NLRP2: variants seen among roughly 807,000 people sequenced by gnomAD.
The protein encoded by NLRP2 is NLR family pyrin domain containing 2.
Under a neutral mutation model 97.2 loss-of-function variants are expected in NLRP2, and 107 were observed. The observed-to-expected ratio is 1.10, with a 90% CI of 0.94 to 1.29. NLRP2 has a LOEUF of 1.29. Ranked by LOEUF, NLRP2 falls within the 50% of genes most tolerant of loss-of-function variation. The pLI is 0.00. For missense variants in NLRP2, 1,495 were observed against 1,330.3 expected, an observed-to-expected ratio of 1.12 and a Z score of -1.93; for synonymous variants, 663 against 551.5, an observed-to-expected ratio of 1.20 and a Z score of -2.83.
chr19:54,975,684 C>G (rs2071185298), intron 3 of NLRP2, among the ~76,000 whole-genome samples: 1 of 151,896 alleles, frequency 6.6e-6, no homozygotes, highest in South Asian at 2.1e-4. Flanking sequence ...GATCTCCTGA[C>G]CTTGTGATCC....
At chr19:54,975,106 GTTTTTTTTTTTTTTTTTTTTTTTTTT>G (rs558518586) in intron 3 of NLRP2, among the ~76,000 whole-genome samples, 4 of 58,674 alleles carry the variant, frequency 6.8e-5, no homozygotes, top group Non-Finnish European at 1.0e-4. Context: ...ACCCGGTTTT[GTTTTTTTTTTTTTTTTTTTTTTTTTT>G]TTTTTTTTTT....
At chr19:54,980,999 T>C (rs1195764494) in intron 4 of NLRP2, among the ~76,000 whole-genome samples, 1 of 152,108 alleles carries the variant, frequency 6.6e-6, no homozygotes, top group African/African-American at 2.4e-5. Flanking sequence ...TAATTCCAGT[T>C]ACTTGGGAAG....
rs1354708300 is a variant in NLRP2, at chr19:54,983,343, G to A, written c.1645G>A (p.Asp549Asn). The A allele has an allele frequency of 6.2e-6, 10 of 1,614,074 alleles. No homozygotes were observed. Among genetic ancestry groups the A allele is most frequent in the African/African-American group, 2.7e-5 (2 of 74,932 alleles). Residue 549 changes from aspartate to asparagine, a missense_variant, in exon 6 of 13, where the codon GAC becomes AAC. By Grantham distance (23) the Asp-to-Asn change is conservative. Coordinates refer to ENST00000448584, the MANE Select transcript of NLRP2 (RefSeq NM_017852.5). The stretch of plus-strand genomic sequence containing the variant: ...CGGAGTAGAAAGACTCAGGAACCCC[G>A]ACCTGATCCAAGCAGGCTACTACTC... ...LSGVERLRNPDLIQAGYYSFG... is the reference protein window; with the variant it reads ...LSGVERLRNPNLIQAGYYSFG...
At chr19:54,971,484 T>C (rs2070850348) in intron 2 of NLRP2, among the ~76,000 whole-genome samples, 1 of 152,020 alleles carries the variant, frequency 6.6e-6, no homozygotes, top group South Asian at 2.1e-4. Flanking sequence ...CCAGCACCTG[T>C]TGTTTCCTGA....
At chr19:54,994,482 C>CT (rs1317869265) in intron 11 of NLRP2, 43 bp downstream of exon 11, 5 of 1,597,722 alleles carry the variant, frequency 3.1e-6, no homozygotes, top group Non-Finnish European at 3.4e-6. Flanking sequence ...TTACACCTTA[C>CT]TGAATCTGTG....
chr19:54,967,697 T>C (rs2070553140), intron 1 of NLRP2, among the ~76,000 whole-genome samples: 1 of 151,728 alleles, frequency 6.6e-6, no homozygotes, highest in Admixed American at 6.6e-5. Context: ...GTGTGTGGAG[T>C]CCTGGGCAGT....
chr19:54,977,187 C>T (rs1568480852), intron 3 of NLRP2, among the ~76,000 whole-genome samples: 1 of 152,012 alleles, frequency 6.6e-6, no homozygotes. Flanking sequence ...GGGGGTTAGG[C>T]CTGGCAGGCA....
rs551890882 is a variant in NLRP2, at chr19:54,983,528, C to T, written c.1830C>T (p.Tyr610=). The part of the protein sequence containing the change: ...TDLQELLGCL[Y]ESQEEELVKE... ...TGCAGGAGCTCCTCGGCTGTCTGTA[C>T]GAGTCTCAGGAGGAGGAGCTGGTGA... The change falls in exon 6 of 13, where the codon TAC becomes TAT. Residue 610 remains tyrosine (Y), a synonymous_variant. Coordinates refer to ENST00000448584, the MANE Select transcript of NLRP2 (RefSeq NM_017852.5). The T allele has an allele frequency of 7.4e-6, 12 of 1,614,136 alleles. No individual in the cohort carries two copies. Among genetic ancestry groups the T allele is most frequent in the East Asian group, 4.5e-5 (2 of 44,880 alleles).
intron 10 of NLRP2, 47 bp downstream of exon 10, chr19:54,990,719 C>T (rs200746888): frequency 1.9e-6 from 3 of 1,587,948 alleles, no homozygotes; most frequent in Non-Finnish European, 1.7e-6. Flanking sequence ...TATGCACACG[C>T]CCCCCACCTC....
Position 54,978,258 on chromosome 19 carries a change from A to T in NLRP2, c.397+435A>T, listed in dbSNP as rs192924039. On this transcript the variant is annotated intron_variant, in intron 4 of 12. Transcript: ENST00000448584. ...AATTTTTTTTTTTTTTTTTGAGACG[A>T]AGTCTTGTTCTTGTCACCCAGGCTG... Among the ~76,000 whole-genome samples, 916 of 144,132 alleles carry T rather than the reference A, an allele frequency of 6.4e-3. 13 individuals carry two copies. Among genetic ancestry groups the T allele is most frequent in the African/African-American group, 0.022 (869 of 38,808 alleles). The allele number at this position is 144,132 out of a possible 152,430, so 94.6% of individuals were successfully genotyped here.
chr19:54,982,083 A>G lies in NLRP2; in HGVS notation c.464-79A>G. The G allele has an allele frequency of 2.5e-6, 4 of 1,580,364 alleles. No homozygotes were observed. In the South Asian group the frequency reaches 4.4e-5, roughly 17 times the overall value. On this transcript the variant is annotated intron_variant, in intron 5 of 12. Coordinates refer to ENST00000448584, the MANE Select transcript of NLRP2 (RefSeq NM_017852.5). ...ATGAGCCACTGTGCCCGGCCAACACAAGGCATTTTGTTATTTTGGTTTTCC... is the reference window on the plus strand; with the variant it reads ...ATGAGCCACTGTGCCCGGCCAACACGAGGCATTTTGTTATTTTGGTTTTCC...
intron 10 of NLRP2, among the ~76,000 whole-genome samples, chr19:54,992,716 G>A (rs1294767267): frequency 6.6e-6 from 1 of 151,544 alleles, no homozygotes; most frequent in African/African-American, 2.4e-5. Flanking sequence ...ATGCCACCAC[G>A]CCCAGCTAAC....
rs2071671885 is a variant in NLRP2, at chr19:54,982,640, G to A, written c.942G>A (p.Val314=). 6.2e-7 allele frequency: 1 copy of A among 1,614,180 alleles called. No homozygotes were observed. The highest frequency in any genetic ancestry group is 8.5e-7 in the Non-Finnish European group (1 of 1,180,032). The change falls in exon 6 of 13, where the codon GTG becomes GTA. Residue 314 remains valine (V), a synonymous_variant. Coordinates refer to ENST00000448584, the MANE Select transcript of NLRP2 (RefSeq NM_017852.5). ...ICGDWEKKKP[V]PVLLGSLLNR... Reference sequence around the variant, plus strand: ...GGGACTGGGAGAAGAAGAAGCCGGTGCCCGTCCTCCTGGGGAGTTTGCTGA... The same window carrying A: ...GGGACTGGGAGAAGAAGAAGCCGGTACCCGTCCTCCTGGGGAGTTTGCTGA...
At chr19:54,986,500 T>A in intron 8 of NLRP2, 185 bp downstream of exon 8, 2 of 645,632 alleles carry the variant, frequency 3.1e-6, no homozygotes, top group Middle Eastern at 4.1e-4. Context: ...GTAAACACCC[T>A]GGACAACCAT....
intron 6 of NLRP2, 32 bp downstream of exon 6, chr19:54,983,760 A>T (rs1568503863): frequency 6.2e-7 from 1 of 1,602,730 alleles, no homozygotes; most frequent in Admixed American, 1.7e-5. Context: ...CAGTCGTTCC[A>T]TCTTTAGCCT....
At position 54,985,193 on chromosome 19, in the gene NLRP2, A is replaced by C. The variant is rs1418220858; in HGVS notation, c.2177A>C (p.Asp726Ala). Residue 726 changes from aspartate to alanine, a missense_variant, in exon 7 of 13, where the codon GAC becomes GCC. Transcript: ENST00000448584. Reference protein sequence around the residue: ...VRILCEQIASDTCHLQRVVFK... With the variant: ...VRILCEQIASATCHLQRVVFK... The stretch of plus-strand genomic sequence containing the variant: ...ATCCTGTGTGAACAAATAGCCTCTG[A>C]CACCTGTCATCTCCAGAGAGTGGTG... 6.2e-7 allele frequency: 1 copy of C among 1,613,968 alleles called. No individual in the cohort carries two copies. Among genetic ancestry groups the C allele is most frequent in the Non-Finnish European group, 8.5e-7 (1 of 1,180,020 alleles).
chr19:55,000,770 G>A lies in NLRP2; in HGVS notation c.3061G>A (p.Asp1021Asn). 1 of 1,613,492 alleles carries A rather than the reference G, an allele frequency of 6.2e-7. No homozygotes were observed. Among genetic ancestry groups the A allele is most frequent in the Non-Finnish European group, 8.5e-7 (1 of 1,179,682 alleles). The change falls in exon 13 of 13, where the codon GAT (aspartate) becomes AAT (asparagine). Residue 1021 changes from aspartate (D) to asparagine (N), a missense_variant. Coordinates refer to ENST00000448584, the MANE Select transcript of NLRP2 (RefSeq NM_017852.5). ...CCCATTGTACCCCAGGTTGAAAATC[G>A]ATGACTTTAATGATGAACTCAATAA... ...GTLRTLRLKIDDFNDELNKLL... is the reference protein window; with the variant it reads ...GTLRTLRLKINDFNDELNKLL...
intron 2 of NLRP2, among the ~76,000 whole-genome samples, chr19:54,971,445 G>A (rs528766227): frequency 1.3e-3 from 198 of 151,970 alleles, no homozygotes; most frequent in Middle Eastern, 6.8e-3. Context: ...CCAACAGTGT[G>A]AAAGTGTTCC....
At chr19:54,989,231 C>T (rs548466938) in intron 8 of NLRP2, among the ~76,000 whole-genome samples, 1 of 151,458 alleles carries the variant, frequency 6.6e-6, no homozygotes, top group Admixed American at 6.6e-5. Context: ...GCTGGGATTA[C>T]AGGCATGAGC....
Sources: allele counts gnomAD v4.1 joint callset (sites outside exome capture counted in the v4.1 genomes callset), GRCh38; gene constraint gnomAD v4.1.1; transcripts MANE v1.5; gene names NCBI Gene and HGNC (gene_info 2026-07-23, HGNC 2026-07-21).